The following PARP15 variants were observed in gnomAD, a reference collection of about 807,000 sequenced individuals.
PARP15 encodes poly(ADP-ribose) polymerase family member 15.
A neutral mutation model predicts 62.1 loss-of-function variants in PARP15; 50 were observed. The ratio of observed to expected loss-of-function variants is 0.81; its 90% CI spans 0.64 to 1.02. The LOEUF is 1.02. Ranked by LOEUF, PARP15 falls within the 50% of genes least tolerant of loss-of-function variation. The pLI is 0.00. For synonymous variants in PARP15, 309 were observed against 293.1 expected (o/e 1.05, Z -0.55); for missense variants, 820 against 826.5 (o/e 0.99, Z 0.10).
At chr3:122,586,096 T>A (rs1201586201) in intron 1 of PARP15, among the ~76,000 whole-genome samples, 1 of 152,230 alleles carries the variant, frequency 6.6e-6, no homozygotes, top group Non-Finnish European at 1.5e-5. Flanking sequence ...TTACTGTGAT[T>A]AGGTGTTGGT....
At chr3:122,626,060 C>T (rs1245167227) in intron 8 of PARP15, among the ~76,000 whole-genome samples, 1 of 152,098 alleles carries the variant, frequency 6.6e-6, no homozygotes, top group Admixed American at 6.5e-5. Context: ...TTGTGGCAGT[C>T]TCAAGTAAGT....
chr3:122,601,958 C>G (rs969224900), intron 1 of PARP15, among the ~76,000 whole-genome samples: 1 of 151,628 alleles, frequency 6.6e-6, no homozygotes, highest in African/African-American at 2.4e-5. Context: ...CTTTCTTAAA[C>G]AGGACTATAT....
chr3:122,595,181 G>T (rs978984865), intron 1 of PARP15, among the ~76,000 whole-genome samples: 1 of 150,508 alleles, frequency 6.6e-6, no homozygotes, highest in African/African-American at 2.5e-5. Context: ...TTTTTTTTTC[G>T]CAGTAACAAA....
intron 3 of PARP15, 118 bp from the exon 4 acceptor site, chr3:122,612,923 G>T: frequency 1.2e-6 from 1 of 844,292 alleles, no homozygotes; most frequent in South Asian, 1.7e-5. Context: ...GACTTCTCAG[G>T]CCCTGACTAA....
At chr3:122,618,276 C>G (rs1463314891) in intron 6 of PARP15, among the ~76,000 whole-genome samples, 1 of 151,984 alleles carries the variant, frequency 6.6e-6, no homozygotes, top group African/African-American at 2.4e-5. Context: ...TATCCCTGTC[C>G]CCTTTTGGAA....
chr3:122,632,180 C>G lies in PARP15; in HGVS notation c.1533C>G (p.Asp511Glu). 6.2e-7 allele frequency: 1 copy of G among 1,613,856 alleles called. No homozygotes were observed. Among genetic ancestry groups the G allele is most frequent in the Non-Finnish European group, 8.5e-7 (1 of 1,179,864 alleles). The change falls in exon 10 of 12, where the codon GAC becomes GAG. Residue 511 changes from aspartate to glutamate, a missense_variant. This residue lies in a region of PARP15 where 731 missense variants were observed against 727.7 expected (regional missense o/e 1.00). Coordinates refer to ENST00000464300, the MANE Select transcript of PARP15 (RefSeq NM_001113523.3). ...PGQSEYNTIK[D>E]KFTRTCSSYA... ...AATCAGAATATAATACCATAAAGGA[C>G]AAGTTCACCCGAACTTGTTCTTCCT...
chr3:122,632,040 T>G, intron 9 of PARP15, 46 bp from the exon 10 acceptor site: 1 of 1,612,748 alleles, frequency 6.2e-7, no homozygotes, highest in South Asian at 1.1e-5. Context: ...TTTTCAGAGG[T>G]CTTTGGAAAT....
rs1934748778 is a variant in PARP15 at position 122,601,036 on chromosome 3, G to GTTTTTTTTTTGT, written c.187-4890_187-4889insGTTTTTTTTTTT. On this transcript the variant is annotated intron_variant, in intron 1 of 11. Transcript: ENST00000464300. Reference sequence around the variant, plus strand: ...CATTGGTTTTTGTTTGTCTTTTATGGTTTTTTTTTTTTTTTTTTTTTTTGA... The same window carrying GTTTTTTTTTTGT: ...CATTGGTTTTTGTTTGTCTTTTATGGTTTTTTTTTTGTTTTTTTTTTTTTTTTTTTTTTTTGA... 1.1e-4 allele frequency among the ~76,000 whole-genome samples: 8 copies of GTTTTTTTTTTGT among 73,036 alleles called. 1 individual carries two copies. The highest frequency in any genetic ancestry group is 5.8e-4 in the African/African-American group (7 of 12,142). 47.9% of individuals were successfully genotyped at this position (73,036 alleles called of 152,430 possible).
chr3:122,612,808 G>C (rs1441957079), intron 3 of PARP15, among the ~76,000 whole-genome samples: 3 of 151,722 alleles, frequency 2.0e-5, no homozygotes, highest in Non-Finnish European at 1.5e-5. Flanking sequence ...GTTACATTGA[G>C]CTACCATTTT....
intron 1 of PARP15, chr3:122,594,687 TC>T (rs1934200721): frequency 1.1e-6 from 1 of 924,082 alleles, no homozygotes; most frequent in Admixed American, 6.2e-5. Context: ...CTTTTAAAAA[TC>T]TATTTTCTTC....
At chr3:122,601,059 T>TTTTTTTTTTTTTTTTTTTTTG (rs869097097) in intron 1 of PARP15, among the ~76,000 whole-genome samples, 1 of 146,430 alleles carries the variant, frequency 6.8e-6, no homozygotes, top group African/African-American at 2.6e-5. Context: ...TTTTTTTTTT[T>TTTTTTTTTTTTTTTTTTTTTG]GAGACGGAGC....
intron 3 of PARP15, 55 bp downstream of exon 3, chr3:122,610,785 T>A: frequency 1.4e-6 from 2 of 1,423,600 alleles, no homozygotes; most frequent in Non-Finnish European, 9.3e-7. Context: ...AATCTCCTTC[T>A]GGTGTGGTAT....
chr3:122,579,182 ATTGT>A (rs1183283452), intron 1 of PARP15, among the ~76,000 whole-genome samples: 1 of 152,192 alleles, frequency 6.6e-6, no homozygotes, highest in Non-Finnish European at 1.5e-5. Flanking sequence ...ATGCCTTTTC[ATTGT>A]TTAAGTCTAT....
intron 3 of PARP15, among the ~76,000 whole-genome samples, chr3:122,611,726 T>C (rs924080977): frequency 2.0e-5 from 3 of 152,026 alleles, no homozygotes; most frequent in African/African-American, 7.2e-5. Flanking sequence ...TATTTATTTA[T>C]TTTTTGAGAT....
At chr3:122,629,411 A>G (rs1446353582) in intron 9 of PARP15, among the ~76,000 whole-genome samples, 1 of 152,188 alleles carries the variant, frequency 6.6e-6, no homozygotes, top group Non-Finnish European at 1.5e-5. Context: ...GATTATAGGC[A>G]TGAGCCTACG....
At position 122,620,499 on chromosome 3, in the gene PARP15, C is replaced by T. The variant is rs996866381; in HGVS notation, c.1063+656C>T. On this transcript the variant is annotated intron_variant, in intron 7 of 11. Transcript: ENST00000464300. ...TTTGACAATGTATTCCCACAACCGA[C>T]CTGCTACAATGCCTGAAACTCCTAT... Among the ~76,000 whole-genome samples, 3 of 152,168 alleles carry T rather than the reference C, an allele frequency of 2.0e-5. No homozygotes were observed. The East Asian group carries it at 5.8e-4, about 29-fold the overall frequency.
intron 1 of PARP15, among the ~76,000 whole-genome samples, chr3:122,603,856 A>G (rs151138653): frequency 0.016 from 2,410 of 152,310 alleles, 66 homozygotes; most frequent in African/African-American, 0.053. Flanking sequence ...AATCAAAGAC[A>G]ATTTTAAACA....
At chr3:122,581,542 T>A (rs1483900551) in intron 1 of PARP15, among the ~76,000 whole-genome samples, 1 of 152,220 alleles carries the variant, frequency 6.6e-6, no homozygotes, top group Non-Finnish European at 1.5e-5. Context: ...CATTTGTATA[T>A]CTTCTTCAGA....
intron 1 of PARP15, among the ~76,000 whole-genome samples, chr3:122,585,334 G>A (rs902174983): frequency 6.6e-6 from 1 of 152,188 alleles, no homozygotes. Flanking sequence ...GTGACAGAGG[G>A]AGACCTTGTT....
Sources: allele counts gnomAD v4.1 joint callset (sites outside exome capture counted in the v4.1 genomes callset), GRCh38; gene constraint gnomAD v4.1.1; regional missense constraint gnomAD v4.1.1; transcripts MANE v1.5; gene names NCBI Gene and HGNC (gene_info 2026-07-23, HGNC 2026-07-21).